The following GRIA1 variants were observed in gnomAD, a reference collection of about 807,000 sequenced individuals.
The protein encoded by GRIA1 is glutamate ionotropic receptor AMPA type subunit 1, also known as glutamate receptor 1.
In GRIA1, 31 loss-of-function variants were observed where a neutral mutation model predicts 99.2. The observed-to-expected ratio is 0.31, with a 90% CI of 0.23 to 0.42. The LOEUF (loss-of-function observed/expected upper bound fraction) is 0.42. GRIA1 is among the 10% of genes least tolerant of loss of function. The pLI is 1.00. For synonymous variants in GRIA1, 438 were observed against 432.4 expected (o/e 1.01, Z -0.16); for missense variants, 782 against 1,157.5 (o/e 0.68, Z 4.71).
chr5:153,770,626 T>G (rs1162848696), intron 13 of GRIA1, among the ~76,000 whole-genome samples: 2 of 152,192 alleles, frequency 1.3e-5, no homozygotes, highest in Admixed American at 1.3e-4. Flanking sequence ...TTGCTGTGAC[T>G]GTCACTGCCC....
At chr5:153,596,300 T>C (rs1243598193) in intron 2 of GRIA1, among the ~76,000 whole-genome samples, 2 of 152,244 alleles carry the variant, frequency 1.3e-5, no homozygotes, top group African/African-American at 4.8e-5. Context: ...GAAAAATGTA[T>C]GCAAGATCCA....
chr5:153,743,494 C>T (rs1420166810), intron 11 of GRIA1, among the ~76,000 whole-genome samples: 8 of 151,874 alleles, frequency 5.3e-5, no homozygotes, highest in Admixed American at 5.2e-4. Flanking sequence ...AGATATAAGA[C>T]TGAAATCCCC....
chr5:153,499,629 A>C (rs1204689874), intron 2 of GRIA1, among the ~76,000 whole-genome samples: 4 of 150,790 alleles, frequency 2.7e-5, no homozygotes, highest in South Asian at 2.1e-4. Context: ...AAAAAAAAAA[A>C]AAAAAAAAAA....
intron 11 of GRIA1, among the ~76,000 whole-genome samples, chr5:153,759,076 G>C (rs1216740519): frequency 1.3e-5 from 2 of 150,744 alleles, no homozygotes; most frequent in Non-Finnish European, 3.0e-5. Flanking sequence ...AAACCTATGA[G>C]ATACAGCAAG....
At chr5:153,523,018 C>A (rs989802516) in intron 2 of GRIA1, among the ~76,000 whole-genome samples, 3 of 144,470 alleles carry the variant, frequency 2.1e-5, no homozygotes, top group African/African-American at 8.2e-5. Flanking sequence ...TTCCTGATAT[C>A]TCTCTCTCTC....
upstream of GRIA1, chr5:153,490,642 A>G (rs1581118846): frequency 5.4e-6 from 3 of 553,408 alleles, no homozygotes; most frequent in South Asian, 6.1e-5. Context: ...TCCAGCTAGC[A>G]TGAGGACGGG....
At chr5:153,675,187 T>C (rs527656108) in intron 6 of GRIA1, among the ~76,000 whole-genome samples, 2 of 152,290 alleles carry the variant, frequency 1.3e-5, no homozygotes, top group South Asian at 2.1e-4. Context: ...AGCTGGAAAA[T>C]GGTGGTTCTA....
intron 4 of GRIA1, among the ~76,000 whole-genome samples, chr5:153,654,030 C>T (rs1436356725): frequency 6.6e-6 from 1 of 152,142 alleles, no homozygotes; most frequent in Non-Finnish European, 1.5e-5. Context: ...ACATTTATAA[C>T]ACCTTTCTCA....
chr5:153,677,174 A>G lies in GRIA1; in HGVS notation c.1029+13A>G, dbSNP rs374559725. Reference sequence around the variant, plus strand: ...AGCTCTGCAGCAGGTAAGACCACCAATGTTTGCCCCATCTCATAGGAGCCT... The same window carrying G: ...AGCTCTGCAGCAGGTAAGACCACCAGTGTTTGCCCCATCTCATAGGAGCCT... On this transcript the variant is annotated intron_variant, in intron 7 of 15. Transcript: ENST00000285900. The G allele has an allele frequency of 4.7e-5, 68 of 1,435,182 alleles. No individual in the cohort carries two copies. The African/African-American group carries it at 9.3e-4, about 20-fold the overall frequency. The allele number at this position is 1,435,182 out of a possible 1,614,324, so 88.9% of individuals were successfully genotyped here.
chr5:153,743,016 G>A (rs535196035), intron 11 of GRIA1, among the ~76,000 whole-genome samples: 63 of 152,314 alleles, frequency 4.1e-4, no homozygotes, highest in African/African-American at 1.4e-3. Context: ...GAAGCTTAGT[G>A]TGCTTAGGTA....
At chr5:153,625,061 C>G (rs199625006) in intron 2 of GRIA1, among the ~76,000 whole-genome samples, 3 of 152,138 alleles carry the variant, frequency 2.0e-5, no homozygotes, top group African/African-American at 7.2e-5. Flanking sequence ...ATTCATGTGC[C>G]GCAGCCCTGG....
intron 2 of GRIA1, among the ~76,000 whole-genome samples, chr5:153,628,480 T>C (rs929962247): frequency 3.9e-5 from 6 of 152,214 alleles, no homozygotes; most frequent in African/African-American, 1.4e-4. Flanking sequence ...CATTACAACA[T>C]GTTTAGTAAT....
At chr5:153,533,890 T>A (rs1758311415) in intron 2 of GRIA1, among the ~76,000 whole-genome samples, 1 of 152,210 alleles carries the variant, frequency 6.6e-6, no homozygotes, top group Admixed American at 6.5e-5. Flanking sequence ...AAGGGAAGCT[T>A]ATCTGAGGTT....
At chr5:153,680,110 C>T (rs1756866374) in intron 7 of GRIA1, among the ~76,000 whole-genome samples, 1 of 152,128 alleles carries the variant, frequency 6.6e-6, no homozygotes, top group African/African-American at 2.4e-5. Context: ...TTAGATGATG[C>T]CTCCCTCTGT....
Position 153,494,068 on chromosome 5 carries a change from A to C in GRIA1, c.220+3A>C. ...CAGCTTTGAGATGACCTATAGATGT[A>C]AGTAATTGCTTCTATTTCTGAGATG... On this transcript the variant is annotated splice_donor_region_variant and intron_variant, in intron 2 of 15. Transcript: ENST00000285900. The C allele has an allele frequency of 6.2e-7, 1 of 1,613,342 alleles. No individual in the cohort carries two copies. Among genetic ancestry groups the C allele is most frequent in the Non-Finnish European group, 8.5e-7 (1 of 1,179,638 alleles).
intron 15 of GRIA1, among the ~76,000 whole-genome samples, chr5:153,802,816 C>G (rs1766143270): frequency 6.6e-6 from 1 of 152,164 alleles, no homozygotes; most frequent in Non-Finnish European, 1.5e-5. Flanking sequence ...CTCATTCTCT[C>G]TGAAGTTTCA....
intron 2 of GRIA1, among the ~76,000 whole-genome samples, chr5:153,601,581 A>C (rs901128463): frequency 1.3e-5 from 2 of 152,190 alleles, no homozygotes; most frequent in Non-Finnish European, 2.9e-5. Flanking sequence ...AGCGGAAAAC[A>C]CCTCTCTATT....
chr5:153,796,391 C>T (rs114562926), intron 14 of GRIA1, among the ~76,000 whole-genome samples: 2 of 152,100 alleles, frequency 1.3e-5, no homozygotes, highest in Non-Finnish European at 2.9e-5. Flanking sequence ...ACTACTATCA[C>T]AAGTAGAAAG....
chr5:153,674,581 A>G lies in GRIA1; in HGVS notation c.781A>G (p.Thr261Ala). The G allele has an allele frequency of 6.2e-7, 1 of 1,614,116 alleles. No individual in the cohort carries two copies. Among genetic ancestry groups the G allele is most frequent in the Non-Finnish European group, 8.5e-7 (1 of 1,179,998 alleles). The change falls in exon 6 of 16, where the codon ACT (threonine) becomes GCT (alanine). Residue 261 changes from threonine (T) to alanine (A), a missense_variant. This residue lies in a region of GRIA1 where 461 missense variants were observed against 521.7 expected (regional missense o/e 0.88). Coordinates refer to ENST00000285900, the MANE Select transcript of GRIA1 (RefSeq NM_000827.4). ...TTTCCAGCTGGTGAACTACACAGAC[A>G]CTATTCCGGCCAAGATCATGCAGCA... ...TGFQLVNYTD[T>A]IPAKIMQQWK... is the part of the protein sequence containing the mutation.
Sources: allele counts gnomAD v4.1 joint callset (sites outside exome capture counted in the v4.1 genomes callset), GRCh38; gene constraint gnomAD v4.1.1; regional missense constraint gnomAD v4.1.1; transcripts MANE v1.5; gene names NCBI Gene and HGNC (gene_info 2026-07-23, HGNC 2026-07-21).